Variants in OTUD7B observed in about 807,000 individuals in gnomAD.
OTUD7B encodes OTU domain-containing protein 7B.
Under a neutral mutation model 82.2 loss-of-function variants are expected in OTUD7B, and 34 were observed. The ratio of observed to expected loss-of-function variants is 0.41; its 90% CI spans 0.31 to 0.55. OTUD7B has a LOEUF of 0.55. Ranked by LOEUF, OTUD7B falls within the 20% of genes least tolerant of loss-of-function variation. The pLI is 0.20. For missense variants in OTUD7B, 944 were observed against 1,062.1 expected (o/e 0.89, Z 1.55); for synonymous variants, 398 against 402.7 (o/e 0.99, Z 0.14).
chr1:150,040,760 A>C, the OTUD7B span, among the ~76,000 whole-genome samples: 3 of 142,328 alleles, frequency 2.1e-5, no homozygotes, highest in African/African-American at 8.0e-5. Flanking sequence ...CCCAGGCTGG[A>C]GTGCAATGGT....
At chr1:150,053,870 G>A in the OTUD7B span, 67 of 340,234 alleles carry the variant, frequency 2.0e-4, no homozygotes, top group African/African-American at 1.3e-3. Context: ...CAAGATGGAG[G>A]GTGAACAAGT....
rs924627682 is a variant in OTUD7B, at chr1:149,949,909, C to T, written c.974-131G>A. ...TGTTTAATAATTCTTTCCTAAGAAG[C>T]CCTGTCAACTAATCCCAACTGCTTT... On this transcript the variant is annotated intron_variant, in intron 8 of 11. Transcript: ENST00000581312. The T allele has an allele frequency of 2.6e-5, 33 of 1,273,098 alleles. No individual in the cohort carries two copies. The African/African-American group carries it at 4.5e-4, about 17-fold the overall frequency. 78.9% of individuals were successfully genotyped at this position (1,273,098 alleles called of 1,614,324 possible). A position where few individuals can be genotyped will look rare whatever the true frequency, so the allele number is the denominator to read the frequency against.
intron 10 of OTUD7B, among the ~76,000 whole-genome samples, chr1:149,947,976 C>A (rs71578458): frequency 6.6e-6 from 1 of 151,910 alleles, no homozygotes; most frequent in Non-Finnish European, 1.5e-5. Flanking sequence ...ATTTTTATCA[C>A]GTATTTATTT....
rs1228737269 is a variant in OTUD7B at position 149,943,417 on chromosome 1, TTC to T, written c.*438_*439del. The T allele has an allele frequency of 6.0e-6, 1 of 166,592 alleles. No individual in the cohort carries two copies. Among genetic ancestry groups the T allele is most frequent in the Admixed American group, 5.9e-5 (1 of 16,958 alleles). The allele number at this position is 166,592 out of a possible 1,614,324, so 10.3% of individuals were successfully genotyped here. A position where few individuals can be genotyped will look rare whatever the true frequency, so the allele number is the denominator to read the frequency against. ...CCAATTTCCCACTTCCCCTCCACAC[TTC>T]TCACTCCACCATGTGCTTTTTCCCA... On this transcript the variant is annotated 3_prime_UTR_variant, in exon 12 of 12. Coordinates refer to ENST00000581312, the MANE Select transcript of OTUD7B (RefSeq NM_020205.4).
the OTUD7B span, among the ~76,000 whole-genome samples, chr1:150,066,277 G>T: frequency 6.6e-6 from 1 of 152,070 alleles, no homozygotes; most frequent in East Asian, 1.9e-4. The surrounding 1 kb of genome is among the most constrained non-coding windows in gnomAD (Gnocchi z 4.6). Flanking sequence ...CATTTAAATT[G>T]ATAAGAATGG....
chr1:150,061,976 C>A, the OTUD7B span, among the ~76,000 whole-genome samples: 3 of 152,164 alleles, frequency 2.0e-5, no homozygotes, highest in African/African-American at 7.2e-5. Flanking sequence ...ATGCAGAGAT[C>A]TACCTGTCAT....
chr1:150,064,372 CT>C, the OTUD7B span, among the ~76,000 whole-genome samples: 2 of 151,932 alleles, frequency 1.3e-5, no homozygotes, highest in Non-Finnish European at 2.9e-5. Flanking sequence ...CTCTTCTCTT[CT>C]CTTTTTTCTT....
chr1:150,062,067 CCTT>C, the OTUD7B span, among the ~76,000 whole-genome samples: 2 of 152,198 alleles, frequency 1.3e-5, no homozygotes, highest in African/African-American at 4.8e-5. Flanking sequence ...TTGTCTGCCT[CCTT>C]CTTTGCCTTC....
At chr1:150,009,663 G>A (rs587740949) in intron 1 of OTUD7B, among the ~76,000 whole-genome samples, 1 of 152,180 alleles carries the variant, frequency 6.6e-6, no homozygotes, top group African/African-American at 2.4e-5. Context: ...ACCTAGGTTA[G>A]ACAAGAAAGA....
intron 5 of OTUD7B, 122 bp from the exon 6 acceptor site, chr1:149,964,471 A>AC (rs201815240): frequency 2.2e-6 from 2 of 890,382 alleles, no homozygotes; most frequent in Non-Finnish European, 3.4e-6. Flanking sequence ...GCCTCAAGTG[A>AC]CCCCCCTGCC....
chr1:150,003,020 G>A (rs1482377689), intron 1 of OTUD7B, among the ~76,000 whole-genome samples: 1 of 152,126 alleles, frequency 6.6e-6, no homozygotes, highest in Non-Finnish European at 1.5e-5. Flanking sequence ...GGAGGCCGAG[G>A]CGGGCGGATC....
the OTUD7B span, among the ~76,000 whole-genome samples, chr1:150,026,960 G>GA: frequency 6.6e-6 from 1 of 152,110 alleles, no homozygotes; most frequent in Non-Finnish European, 1.5e-5. Flanking sequence ...GAAATACTTA[G>GA]AAATGAAATT....
chr1:149,950,093 C>T lies in OTUD7B; in HGVS notation c.973+1G>A. ...GAGTGAGGACTGACTGGCTGACTCACCTTCCCCTCCGGAGTCCCTCAGCAT... is the reference window on the plus strand; with the variant it reads ...GAGTGAGGACTGACTGGCTGACTCATCTTCCCCTCCGGAGTCCCTCAGCAT... On this transcript the variant is annotated splice_donor_variant, in intron 8 of 11. Transcript: ENST00000581312. LOFTEE classifies it high-confidence loss of function. 1 of 1,613,854 alleles carries T rather than the reference C, an allele frequency of 6.2e-7. No homozygotes were observed. Among genetic ancestry groups the T allele is most frequent in the Non-Finnish European group, 8.5e-7 (1 of 1,180,012 alleles).
At chr1:150,001,057 C>T (rs1001590000) in intron 1 of OTUD7B, among the ~76,000 whole-genome samples, 3 of 151,866 alleles carry the variant, frequency 2.0e-5, no homozygotes, top group African/African-American at 4.8e-5. Flanking sequence ...AAGGAATGAA[C>T]ACATCAATTC....
upstream of OTUD7B, among the ~76,000 whole-genome samples, chr1:150,014,331 T>C (rs1219265328): frequency 6.8e-6 from 1 of 146,508 alleles, no homozygotes; most frequent in African/African-American, 2.5e-5. Flanking sequence ...GTCTGGGAGA[T>C]CGAGGCTCAG....
the OTUD7B span, among the ~76,000 whole-genome samples, chr1:150,042,157 TCCTTCCTTCCTTCCTCCCTC>T: frequency 1.0e-5 from 1 of 95,410 alleles, no homozygotes; most frequent in Non-Finnish European, 2.0e-5. Context: ...CTTCCTCCCT[TCCTTCCTTCCTTCCTCCCTC>T]CCTTCCTCCC....
In OTUD7B at chr1:149,938,128, C is replaced by T. The variant is rs1422155553; in HGVS notation, c.*5729G>A. The T allele has an allele frequency of 6.6e-6, 1 of 152,248 alleles. No individual in the cohort carries two copies. Among genetic ancestry groups the T allele is most frequent in the Non-Finnish European group, 1.5e-5 (1 of 68,080 alleles). The allele number at this position is 152,248 out of a possible 1,614,324, so 9.4% of individuals were successfully genotyped here. Reference sequence around the variant, plus strand: ...CCTAATGCATTCCATGGGCCTCAACCTCTTGGGGGAAGAAAATATTTCCCA... The same window carrying T: ...CCTAATGCATTCCATGGGCCTCAACTTCTTGGGGGAAGAAAATATTTCCCA... On this transcript the variant is annotated 3_prime_UTR_variant, in exon 12 of 12. Coordinates refer to ENST00000581312, the MANE Select transcript of OTUD7B (RefSeq NM_020205.4).
the OTUD7B span, among the ~76,000 whole-genome samples, chr1:150,017,507 G>T: frequency 2.0e-5 from 3 of 152,180 alleles, no homozygotes; most frequent in Non-Finnish European, 4.4e-5. Flanking sequence ...TACCTAATTG[G>T]AATGCAGGTC....
intron 7 of OTUD7B, among the ~76,000 whole-genome samples, chr1:149,954,844 T>C (rs1648541007): frequency 6.6e-6 from 1 of 152,214 alleles, no homozygotes; most frequent in Admixed American, 6.5e-5. Flanking sequence ...GTGTTTACAG[T>C]AGTCTCTGAT....
Sources: allele counts gnomAD v4.1 joint callset (sites outside exome capture counted in the v4.1 genomes callset), GRCh38; gene constraint gnomAD v4.1.1; non-coding constraint Gnocchi (gnomAD v3.1); transcripts MANE v1.5; gene names NCBI Gene and HGNC (gene_info 2026-07-23, HGNC 2026-07-21).